The following ZNF385B variants were observed in gnomAD, a reference collection of about 807,000 sequenced individuals.
ZNF385B encodes the protein zinc finger protein 533.
ZNF385B carries 23 observed loss-of-function variants against 39.2 expected under a neutral mutation model. That is an observed-to-expected ratio of 0.59 (90% CI 0.42 to 0.83). The LOEUF (loss-of-function observed/expected upper bound fraction) is 0.83. ZNF385B is among the 40% of genes least tolerant of loss of function. The probability of loss-of-function intolerance (pLI) is 0.00; values close to 1 mark genes in which losing one functional copy is unlikely to be tolerated. For missense variants in ZNF385B, 552 were observed against 598.9 expected (o/e 0.92, Z 0.82); for synonymous variants, 205 against 222.6 (o/e 0.92, Z 0.70).
At chr2:179,499,098 T>C (rs140565994) in intron 5 of ZNF385B, among the ~76,000 whole-genome samples, 13 of 151,934 alleles carry the variant, frequency 8.6e-5, no homozygotes, top group African/African-American at 3.1e-4. Flanking sequence ...AGATACATAC[T>C]AACTACTAAT....
chr2:179,596,905 C>G (rs1361878444), intron 3 of ZNF385B, among the ~76,000 whole-genome samples: 3 of 152,164 alleles, frequency 2.0e-5, no homozygotes, highest in African/African-American at 4.8e-5. Context: ...ATTTTCAACA[C>G]TTTGCTTGAA....
At chr2:179,789,431 A>G (rs772256444) in intron 1 of ZNF385B, among the ~76,000 whole-genome samples, 55 of 152,188 alleles carry the variant, frequency 3.6e-4, no homozygotes, top group Non-Finnish European at 8.8e-5. Flanking sequence ...ATGATTTTCA[A>G]ATATATAAAT....
chr2:179,678,957 T>G (rs1460768305), intron 3 of ZNF385B, among the ~76,000 whole-genome samples: 3 of 152,224 alleles, frequency 2.0e-5, no homozygotes, highest in Non-Finnish European at 4.4e-5. Flanking sequence ...TTAACCAATG[T>G]TCCCACAACC....
intron 5 of ZNF385B, among the ~76,000 whole-genome samples, chr2:179,493,517 ATATG>A (rs1029470143): frequency 2.0e-5 from 3 of 150,560 alleles, no homozygotes; most frequent in African/African-American, 7.3e-5. Context: ...ATGCGTATAC[ATATG>A]TGTGTACATA....
At chr2:179,677,681 A>G (rs534894500) in intron 3 of ZNF385B, among the ~76,000 whole-genome samples, 4 of 152,272 alleles carry the variant, frequency 2.6e-5, no homozygotes, top group African/African-American at 9.6e-5. Context: ...AGCCAAACCT[A>G]TGCCTGAAAA....
At chr2:179,542,337 T>C (rs761747968) in intron 4 of ZNF385B, among the ~76,000 whole-genome samples, 24 of 152,326 alleles carry the variant, frequency 1.6e-4, no homozygotes, top group Admixed American at 2.6e-4. Flanking sequence ...TCCTGTTTGA[T>C]AAATGCCACA....
chr2:179,837,200 T>C (rs995756029), intron 1 of ZNF385B, among the ~76,000 whole-genome samples: 1 of 152,242 alleles, frequency 6.6e-6, no homozygotes, highest in East Asian at 1.9e-4. Flanking sequence ...AAGCTGCCAA[T>C]TTGCTAAGCC....
At chr2:179,806,753 A>G (rs997060418) in intron 1 of ZNF385B, among the ~76,000 whole-genome samples, 1 of 152,190 alleles carries the variant, frequency 6.6e-6, no homozygotes, top group Non-Finnish European at 1.5e-5. Flanking sequence ...AGAAGAGTCA[A>G]GATTTAAAAC....
chr2:179,544,353 T>C (rs973701948), intron 4 of ZNF385B, among the ~76,000 whole-genome samples: 5 of 152,320 alleles, frequency 3.3e-5, no homozygotes, highest in African/African-American at 9.6e-5. Flanking sequence ...TCATCTACAA[T>C]AGCCCCCAAA....
chr2:179,661,273 CAA>C (rs1694434777), intron 3 of ZNF385B, among the ~76,000 whole-genome samples: 1 of 152,188 alleles, frequency 6.6e-6, no homozygotes, highest in Admixed American at 6.5e-5. Flanking sequence ...ATGACAATTA[CAA>C]AAGAGACCAA....
intron 5 of ZNF385B, among the ~76,000 whole-genome samples, chr2:179,493,392 T>C (rs1281693410): frequency 2.6e-5 from 4 of 151,682 alleles, no homozygotes; most frequent in African/African-American, 7.3e-5. Context: ...CACATATATG[T>C]ATGCATACAT....
At chr2:179,530,711 T>C (rs1409475196) in intron 4 of ZNF385B, among the ~76,000 whole-genome samples, 1 of 152,222 alleles carries the variant, frequency 6.6e-6, no homozygotes, top group Non-Finnish European at 1.5e-5. Flanking sequence ...TTCGAATATA[T>C]TTCTTCATTT....
chr2:179,625,805 C>G (rs1226529549), intron 3 of ZNF385B, among the ~76,000 whole-genome samples: 1 of 152,038 alleles, frequency 6.6e-6, no homozygotes, highest in Non-Finnish European at 1.5e-5. Flanking sequence ...AATGGATGGA[C>G]AGGTCATGTA....
At chr2:179,477,424 C>G (rs1389011387) in intron 6 of ZNF385B, among the ~76,000 whole-genome samples, 1 of 152,162 alleles carries the variant, frequency 6.6e-6, no homozygotes, top group African/African-American at 2.4e-5. Flanking sequence ...TGAGCTGCTT[C>G]AAGGTGTCTT....
intron 1 of ZNF385B, among the ~76,000 whole-genome samples, chr2:179,823,897 T>G (rs1009550094): frequency 6.6e-6 from 1 of 152,148 alleles, no homozygotes; most frequent in African/African-American, 2.4e-5. Context: ...TGTTTTTGGT[T>G]GCAAGTAACT....
chr2:179,483,304 G>C lies in ZNF385B; in HGVS notation c.683C>G (p.Thr228Ser). ...GTCAGAGTTGTTGCCTGTGATTGGA[G>C]TGATGGAGCAGCTGGGATTAGCCTT... ...SAKANPSCSI[T>S]PITGNNSDKS... Residue 228 changes from threonine to serine, a missense_variant, in exon 6 of 10, where the codon ACT (threonine) becomes AGT (serine). By Grantham distance (58) the Thr-to-Ser change is moderately conservative (BLOSUM62 1). Coordinates refer to ENST00000410066, the MANE Select transcript of ZNF385B (RefSeq NM_152520.6). 1 of 1,613,994 alleles carries C rather than the reference G, an allele frequency of 6.2e-7. No homozygotes were observed. Among genetic ancestry groups the C allele is most frequent in the Non-Finnish European group, 8.5e-7 (1 of 1,179,922 alleles).
intron 3 of ZNF385B, among the ~76,000 whole-genome samples, chr2:179,734,843 A>C (rs1701636569): frequency 6.6e-6 from 1 of 152,172 alleles, no homozygotes; most frequent in Non-Finnish European, 1.5e-5. Flanking sequence ...GAAAGCTGAA[A>C]CTGGATCCCT....
At chr2:179,768,437 T>G (rs1032987815) in intron 3 of ZNF385B, among the ~76,000 whole-genome samples, 1 of 152,356 alleles carries the variant, frequency 6.6e-6, no homozygotes, top group African/African-American at 2.4e-5. Context: ...TTAATGAAAT[T>G]AAATCATCAA....
chr2:179,713,412 C>A (rs924006782), intron 3 of ZNF385B, among the ~76,000 whole-genome samples: 1 of 152,112 alleles, frequency 6.6e-6, no homozygotes, highest in Non-Finnish European at 1.5e-5. Flanking sequence ...CCTTAGAATG[C>A]GTATTTCTTT....
Sources: allele counts gnomAD v4.1 joint callset (sites outside exome capture counted in the v4.1 genomes callset), GRCh38; gene constraint gnomAD v4.1.1; transcripts MANE v1.5; gene names NCBI Gene and HGNC (gene_info 2026-07-23, HGNC 2026-07-21).